ETV7: variants seen among roughly 807,000 people sequenced by gnomAD.
ETV7 encodes the protein ETS variant transcription factor 7, also known as transcription factor ETV7.
In ETV7, 43 loss-of-function variants were observed where a neutral mutation model predicts 39.1. The observed-to-expected ratio is 1.10, with a 90% CI of 0.86 to 1.42. The LOEUF (loss-of-function observed/expected upper bound fraction) is 1.42. Among genes scored for constraint, ETV7 ranks in the 40% most tolerant of loss-of-function variants. The pLI is 0.00. For synonymous variants in ETV7, 196 were observed against 176.6 expected (o/e 1.11, Z -0.87); for missense variants, 432 against 442.3 (o/e 0.98, Z 0.21).
chr6:36,363,214 C>T (rs139096867), downstream of ETV7, among the ~76,000 whole-genome samples: 1,152 of 152,290 alleles, frequency 7.6e-3, 11 homozygotes, highest in South Asian at 0.034. Flanking sequence ...TCTTACAGCT[C>T]TTCAGGTGGC....
intron 2 of ETV7, among the ~76,000 whole-genome samples, chr6:36,382,336 C>T (rs1773696855): frequency 6.6e-6 from 1 of 152,138 alleles, no homozygotes; most frequent in Non-Finnish European, 1.5e-5. Context: ...AAGTGGATTT[C>T]ACTTCCTTAG....
rs138532031 is a variant in ETV7, at chr6:36,387,405, G to A, written c.6+131C>T. 2.8e-4 allele frequency: 362 copies of A among 1,293,404 alleles called. 6 individuals are homozygous for A. In the East Asian group the frequency reaches 8.3e-3, roughly 29 times the overall value. 80.1% of individuals were successfully genotyped at this position (1,293,404 alleles called of 1,614,324 possible). A position where few individuals can be genotyped will look rare whatever the true frequency, so the allele number is the denominator to read the frequency against. On this transcript the variant is annotated intron_variant, in intron 1 of 7. Transcript: ENST00000340181. ...AGGGATGGATGTGAGGTTTAGGAAT[G>A]TGTTGGAAAGAGAGATTCCCGCCAG...
At chr6:36,374,280 C>G (rs1773192069) in intron 3 of ETV7, among the ~76,000 whole-genome samples, 1 of 151,942 alleles carries the variant, frequency 6.6e-6, no homozygotes, top group African/African-American at 2.4e-5. Flanking sequence ...TCACTGGAAC[C>G]CAGGAGGTTG....
chr6:36,357,692 C>G (rs937666854), intron 7 of ETV7, among the ~76,000 whole-genome samples: 1 of 152,072 alleles, frequency 6.6e-6, no homozygotes, highest in African/African-American at 2.4e-5. Context: ...GCCTGGCCAA[C>G]ATGGAAAAAC....
intron 7 of ETV7, among the ~76,000 whole-genome samples, chr6:36,360,600 G>C (rs954987495): frequency 1.8e-4 from 27 of 152,136 alleles, no homozygotes; most frequent in African/African-American, 6.0e-4. Context: ...GTGAGAGAAG[G>C]CAGGCTTGCT....
chr6:36,381,076 G>A (rs970847922), intron 2 of ETV7, among the ~76,000 whole-genome samples: 1 of 152,212 alleles, frequency 6.6e-6, no homozygotes, highest in Non-Finnish European at 1.5e-5. Context: ...ACTGGGTCTA[G>A]TGAGCTCCAG....
chr6:36,367,815 CCT>C (rs1772807687), intron 6 of ETV7, among the ~76,000 whole-genome samples: 1 of 151,982 alleles, frequency 6.6e-6, no homozygotes, highest in Admixed American at 6.5e-5. Context: ...AGTTTCTTGA[CCT>C]CTCTGAGTCT....
rs541778301 is a variant in ETV7, at chr6:36,379,156, T to A, written c.143-3121A>T. On this transcript the variant is annotated intron_variant, in intron 2 of 7. Coordinates refer to ENST00000340181, the MANE Select transcript of ETV7 (RefSeq NM_016135.4). ...CCAGCCAGGGCTTCCGCGGCTAGGG[T>A]GTCAACCGCCAATTGCATTGTACCT... Among the ~76,000 whole-genome samples the A allele has an allele frequency of 2.0e-5, 3 of 152,264 alleles. No individual in the cohort carries two copies. The East Asian group carries it at 5.8e-4, about 29-fold the overall frequency.
At chr6:36,365,571 G>A (rs115234344), downstream of ETV7, among the ~76,000 whole-genome samples, 317 of 152,262 alleles carry the variant, frequency 2.1e-3, no homozygotes, top group African/African-American at 7.1e-3. Flanking sequence ...GTGTGGGGAC[G>A]GGGGCCAGTC....
intron 7 of ETV7, among the ~76,000 whole-genome samples, chr6:36,357,806 A>G (rs573980173): frequency 4.1e-4 from 63 of 152,286 alleles, no homozygotes; most frequent in Non-Finnish European, 8.4e-4. Context: ...TGAACCTGGT[A>G]GGTGGAGGTT....
At chr6:36,360,290 C>G (rs975035958) in intron 7 of ETV7, among the ~76,000 whole-genome samples, 15 of 152,306 alleles carry the variant, frequency 9.8e-5, no homozygotes, top group African/African-American at 7.2e-5. Flanking sequence ...GAGGCCTCAT[C>G]TAGGCCCCTG....
downstream of ETV7, among the ~76,000 whole-genome samples, chr6:36,361,891 G>A (rs574386506): frequency 6.6e-5 from 10 of 152,296 alleles, no homozygotes; most frequent in Middle Eastern, 3.4e-3. Context: ...GGCTGGGTGC[G>A]GTGGCTCACA....
At chr6:36,362,660 A>G (rs1324719815), downstream of ETV7, among the ~76,000 whole-genome samples, 1 of 152,200 alleles carries the variant, frequency 6.6e-6, no homozygotes, top group African/African-American at 2.4e-5. Context: ...GTCCATCCCC[A>G]GACCACGGCC....
At chr6:36,363,776 G>A (rs1183585130), downstream of ETV7, among the ~76,000 whole-genome samples, 1 of 146,238 alleles carries the variant, frequency 6.8e-6, no homozygotes, top group Non-Finnish European at 1.5e-5. Context: ...CTCCCCACCA[G>A]ATTAGCTAGA....
In ETV7 at chr6:36,366,880, C is replaced by T. The variant is rs146675999; in HGVS notation, c.903G>A (p.Leu301=). 6.2e-7 allele frequency: 1 copy of T among 1,614,066 alleles called. No individual in the cohort carries two copies. The highest frequency in any genetic ancestry group is 1.1e-5 in the South Asian group (1 of 91,074). ...ACATCCCCTAGGCCACTCACCTGAA[C>T]AGGAGTTTCTGCCCCGGTTCCTTCT... The part of the protein sequence containing the change: ...IIKKEPGQKL[L]FRFLKTPGKM... Residue 301 remains leucine (L), a synonymous_variant, in exon 7 of 8, where the codon CTG becomes CTA. Transcript: ENST00000340181.
rs1194155166 is a variant in ETV7 at position 36,356,331 on chromosome 6, A to AC, written c.909-1645_909-1644insG. On this transcript the variant is annotated intron_variant, in intron 7 of 7. Transcript: ENST00000339796. Reference sequence around the variant, plus strand: ...AGAGTGAGACCCTGTCTCAAAAAAAAAAAAAAAACAAAAAAAAACACAAAC... The same window carrying AC: ...AGAGTGAGACCCTGTCTCAAAAAAAACAAAAAAAACAAAAAAAAACACAAAC... Among the ~76,000 whole-genome samples, 196 of 150,934 alleles carry AC rather than the reference A, an allele frequency of 1.3e-3. 4 individuals carry two copies. In the South Asian group the frequency reaches 0.02, roughly 15 times the overall value.
chr6:36,358,926 G>C (rs989970558), intron 7 of ETV7, among the ~76,000 whole-genome samples: 5 of 152,196 alleles, frequency 3.3e-5, no homozygotes, highest in African/African-American at 1.2e-4. Context: ...AGGATGTTTA[G>C]ATGGGCCAGA....
chr6:36,371,408 C>T lies in ETV7; in HGVS notation c.586G>A (p.Ala196Thr). The change falls in exon 5 of 8, where the codon GCA becomes ACA. Residue 196 changes from alanine to threonine, a missense_variant. Physicochemically the swap from Ala to Thr is moderately conservative, Grantham distance 58 (BLOSUM62 0). Coordinates refer to ENST00000340181, the MANE Select transcript of ETV7 (RefSeq NM_016135.4). ...KEESLNLCHCAELGCRTQGVC... is the reference protein window; with the variant it reads ...KEESLNLCHCTELGCRTQGVC... ...CCCTGGGTCCTGCAGCCGAGCTCTGCACAGTGACATAAGTTGAGGGACTCC... is the reference window on the plus strand; with the variant it reads ...CCCTGGGTCCTGCAGCCGAGCTCTGTACAGTGACATAAGTTGAGGGACTCC... 1.2e-6 allele frequency: 2 copies of T among 1,603,188 alleles called. No homozygotes were observed. Among genetic ancestry groups the T allele is most frequent in the Non-Finnish European group, 1.7e-6 (2 of 1,174,276 alleles).
chr6:36,374,766 G>A (rs770350747), intron 3 of ETV7, among the ~76,000 whole-genome samples: 7 of 152,156 alleles, frequency 4.6e-5, no homozygotes, highest in Non-Finnish European at 1.0e-4. Flanking sequence ...AGTGGGAAGT[G>A]GGTGATAGAA....
Sources: allele counts gnomAD v4.1 joint callset (sites outside exome capture counted in the v4.1 genomes callset), GRCh38; gene constraint gnomAD v4.1.1; transcripts MANE v1.5; gene names NCBI Gene and HGNC (gene_info 2026-07-23, HGNC 2026-07-21).